The following DENND5B variants were observed in gnomAD, a reference collection of about 807,000 sequenced individuals.
The protein encoded by DENND5B is DENN domain containing 5B.
A neutral mutation model predicts 140.6 loss-of-function variants in DENND5B; 34 were observed. The observed-to-expected ratio is 0.24, with a 90% confidence interval of 0.18 to 0.32. The LOEUF is 0.32. Among genes scored for constraint, DENND5B ranks in the 10% least tolerant of loss-of-function variants. The probability of loss-of-function intolerance (pLI) is 1.00; values close to 1 mark genes in which losing one functional copy is unlikely to be tolerated. For missense variants in DENND5B, 1,142 were observed against 1,560.2 expected (o/e 0.73, Z 4.52); for synonymous variants, 551 against 562.1 (o/e 0.98, Z 0.28).
At position 31,537,473 on chromosome 12, in the gene DENND5B, G is replaced by A. The variant is rs534930479; in HGVS notation, c.128-41554C>T. On this transcript the variant is annotated intron_variant, in intron 1 of 20. Coordinates refer to ENST00000389082, the MANE Select transcript of DENND5B (RefSeq NM_144973.4). ...TAATCAAAAAACATACAACAGATACGCTGAAAATAAAAAATAAGAAATTAA... is the reference window on the plus strand; with the variant it reads ...TAATCAAAAAACATACAACAGATACACTGAAAATAAAAAATAAGAAATTAA... Among the ~76,000 whole-genome samples, 8 of 151,954 alleles carry A rather than the reference G, an allele frequency of 5.3e-5. No individual in the cohort carries two copies. The South Asian group carries it at 1.0e-3, about 20-fold the overall frequency.
chr12:31,458,731 ATC>A (rs774919498), intron 4 of DENND5B, among the ~76,000 whole-genome samples: 173 of 152,300 alleles, frequency 1.1e-3, no homozygotes, highest in Admixed American at 2.7e-3. Context: ...TAAAATGAGA[ATC>A]TCTATGGGAA....
In DENND5B at chr12:31,495,812, T is replaced by C. The variant is rs371959517; in HGVS notation, c.235A>G (p.Met79Val). 7 of 1,605,792 alleles carry C rather than the reference T, an allele frequency of 4.4e-6. No homozygotes were observed. Among genetic ancestry groups the C allele is most frequent in the South Asian group, 3.4e-5 (3 of 89,508 alleles). The change falls in exon 2 of 21, where the codon ATG (methionine) becomes GTG (valine). Residue 79 changes from methionine to valine, a missense_variant and splice_region_variant. By Grantham distance (21) the Met-to-Val change is conservative. Transcript: ENST00000389082. ...ATGAGGGGAAAAAAAACACATACCA[T>C]GTTCACCGCATCTTGATCAAAAGGG... The part of the protein sequence containing the change: ...WNPFDQDAVN[M>V]LCMPKGLSFR...
At chr12:31,436,610 C>G (rs750185325) in intron 7 of DENND5B, among the ~76,000 whole-genome samples, 1 of 152,046 alleles carries the variant, frequency 6.6e-6, no homozygotes, top group Non-Finnish European at 1.5e-5. Context: ...TCTCAGCTCA[C>G]GGCAACCTCT....
chr12:31,416,865 A>G (rs1010192716), intron 11 of DENND5B, among the ~76,000 whole-genome samples: 1 of 150,252 alleles, frequency 6.7e-6, no homozygotes, highest in Non-Finnish European at 1.5e-5. Flanking sequence ...GCAAATAATT[A>G]TATGGGTTTG....
chr12:31,471,839 GA>G (rs1313591659), intron 3 of DENND5B, among the ~76,000 whole-genome samples: 2 of 152,110 alleles, frequency 1.3e-5, no homozygotes, highest in African/African-American at 4.8e-5. Context: ...GAAATGAATT[GA>G]ACTGTTTTAT....
At chr12:31,523,428 C>T (rs1198536839) in intron 1 of DENND5B, among the ~76,000 whole-genome samples, 1 of 152,098 alleles carries the variant, frequency 6.6e-6, no homozygotes, top group Non-Finnish European at 1.5e-5. Context: ...TTTAGGCCAT[C>T]CTGTTGCTGA....
At chr12:31,467,040 T>C (rs991262636) in intron 3 of DENND5B, among the ~76,000 whole-genome samples, 1 of 151,976 alleles carries the variant, frequency 6.6e-6, no homozygotes, top group Non-Finnish European at 1.5e-5. Context: ...AACCAGAAGA[T>C]GATAGAATAT....
chr12:31,424,183 G>A (rs1943141732), intron 10 of DENND5B, among the ~76,000 whole-genome samples: 2 of 152,112 alleles, frequency 1.3e-5, no homozygotes, highest in Admixed American at 1.3e-4. Flanking sequence ...AGAGACAAAA[G>A]CAAAGAGACC....
intron 1 of DENND5B, among the ~76,000 whole-genome samples, chr12:31,548,639 C>T (rs1351478584): frequency 6.6e-6 from 1 of 152,046 alleles, no homozygotes; most frequent in Non-Finnish European, 1.5e-5. Flanking sequence ...CTCATGAGAA[C>T]CTGACATTTT....
At chr12:31,410,189 G>A (rs771557843) in intron 13 of DENND5B, among the ~76,000 whole-genome samples, 9 of 152,074 alleles carry the variant, frequency 5.9e-5, no homozygotes, top group Non-Finnish European at 1.2e-4. Context: ...AAAATTTCAG[G>A]AAAGCAATTC....
In DENND5B at chr12:31,456,329, C is replaced by CA. The variant is rs56369582; in HGVS notation, c.1093-3854dup. Among the ~76,000 whole-genome samples the CA allele has an allele frequency of 4.1e-3, 495 of 121,534 alleles. 2 individuals carry two copies. Among genetic ancestry groups the CA allele is most frequent in the East Asian group, 6.2e-3 (24 of 3,844 alleles). The allele number at this position is 121,534 out of a possible 152,430, so 79.7% of individuals were successfully genotyped here. A position where few individuals can be genotyped will look rare whatever the true frequency, so the allele number is the denominator to read the frequency against. ...TGGGCAACAGAGTGAGACTCCGTCTCAAAAAAAAAAAAAAAAAAAATTCCC... is the reference window on the plus strand; with the variant it reads ...TGGGCAACAGAGTGAGACTCCGTCTCAAAAAAAAAAAAAAAAAAAAATTCCC... On this transcript the variant is annotated intron_variant, in intron 4 of 20. Coordinates refer to ENST00000389082, the MANE Select transcript of DENND5B (RefSeq NM_144973.4).
chr12:31,550,473 A>AAAT (rs1447567368), intron 1 of DENND5B, among the ~76,000 whole-genome samples: 1 of 151,912 alleles, frequency 6.6e-6, no homozygotes, highest in Admixed American at 6.6e-5. Flanking sequence ...GTTCTTGGAC[A>AAAT]TTTAGGTTGG....
chr12:31,445,447 T>TAATC (rs1944233719), intron 6 of DENND5B, among the ~76,000 whole-genome samples: 1 of 152,198 alleles, frequency 6.6e-6, no homozygotes, highest in Admixed American at 6.5e-5. Flanking sequence ...CTCATGCCTG[T>TAATC]AATCCTAGCA....
chr12:31,584,820 C>A (rs1284936510), intron 1 of DENND5B, among the ~76,000 whole-genome samples: 1 of 151,498 alleles, frequency 6.6e-6, no homozygotes, highest in Admixed American at 6.6e-5. Context: ...GAGACTCTGT[C>A]CCACACCCCC....
intron 4 of DENND5B, 105 bp from the exon 5 acceptor site, chr12:31,452,581 T>C: frequency 4.0e-6 from 5 of 1,254,542 alleles, no homozygotes; most frequent in South Asian, 1.7e-5. Context: ...CCCAGCACTT[T>C]GGGAGGCCAA....
Position 31,452,054 on chromosome 12 carries a change from G to A in DENND5B, c.1515C>T (p.Val505=), listed in dbSNP as rs1944555406. 2 of 1,613,796 alleles carry A rather than the reference G, an allele frequency of 1.2e-6. No homozygotes were observed. The highest frequency in any genetic ancestry group is 1.3e-5 in the African/African-American group (1 of 74,884). ...ACATCTGTGTAAAACGGTTAGCAAA[G>A]ACCTCTCGGAGCTGTACATTGAGCT... ...DYQLNVQLRE[V]FANRFTQMFA... The change falls in exon 5 of 21, where the codon GTC becomes GTT. Residue 505 remains valine, a synonymous_variant. Transcript: ENST00000389082.
intron 8 of DENND5B, 92 bp downstream of exon 8, chr12:31,433,063 C>A: frequency 2.8e-6 from 3 of 1,055,452 alleles, no homozygotes; most frequent in Non-Finnish European, 2.8e-6. Context: ...TTTTAAAGAA[C>A]ATTAAGAATC....
chr12:31,458,235 A>G (rs913003324), intron 4 of DENND5B, among the ~76,000 whole-genome samples: 1 of 152,248 alleles, frequency 6.6e-6, no homozygotes, highest in Non-Finnish European at 1.5e-5. Context: ...AGATATATCA[A>G]GCTGCCATTT....
At chr12:31,493,584 T>G (rs1217569962) in intron 2 of DENND5B, among the ~76,000 whole-genome samples, 1 of 151,960 alleles carries the variant, frequency 6.6e-6, no homozygotes, top group East Asian at 1.9e-4. Flanking sequence ...ATACCAGCAT[T>G]CTGGGAGGCT....
Sources: gnomAD v4.1 joint callset for allele counts (sites outside exome capture counted in the v4.1 genomes callset) on GRCh38, gnomAD v4.1.1 for gene constraint, MANE v1.5 for transcripts, NCBI Gene and HGNC (gene_info 2026-07-23, HGNC 2026-07-21) for gene names.